POLQ: variants seen among roughly 807,000 people sequenced by gnomAD.
The protein encoded by POLQ is epididymis secretory sperm binding protein.
Under a neutral mutation model 259.2 loss-of-function variants are expected in POLQ, and 233 were observed. The observed-to-expected ratio is 0.90, with a 90% CI of 0.81 to 1.00. The LOEUF (loss-of-function observed/expected upper bound fraction) is 1.00, where lower values mean the gene tolerates loss of function less well. POLQ is among the 50% of genes least tolerant of loss of function. The probability of loss-of-function intolerance (pLI) is 0.00; values close to 1 mark genes in which losing one functional copy is unlikely to be tolerated. For missense variants in POLQ, 2,871 were observed against 3,051.6 expected (o/e 0.94, Z 1.39); for synonymous variants, 1,025 against 1,048.8 (o/e 0.98, Z 0.44).
rs369852464 is a variant in POLQ, at chr3:121,487,555, C to G, written c.5376G>C (p.Gly1792=). 3 of 1,614,008 alleles carry G rather than the reference C, an allele frequency of 1.9e-6. No individual in the cohort carries two copies. In the African/African-American group the frequency reaches 4.0e-5, roughly 22 times the overall value. ...NHDLSPGSRN[G]FKDNSPISDT... Reference sequence around the variant, plus strand: ...CACTAATAGGGCTGTTGTCTTTGAACCCATTTCTACTCCCTGGACTTAAAT... The same window carrying G: ...CACTAATAGGGCTGTTGTCTTTGAAGCCATTTCTACTCCCTGGACTTAAAT... Residue 1792 remains glycine (G), a synonymous_variant, in exon 16 of 30, where the codon GGG becomes GGC. Transcript: ENST00000264233.
chr3:121,545,768 G>A lies in POLQ; in HGVS notation c.110C>T (p.Ser37Phe), dbSNP rs750468950. 3 of 1,606,138 alleles carry A rather than the reference G, an allele frequency of 1.9e-6. No homozygotes were observed. In the South Asian group the frequency reaches 3.3e-5, roughly 18 times the overall value. ...SSASPQFLSG[S>F]VLSPPPGLGR... The stretch of plus-strand genomic sequence containing the variant: ...AAGGCCGGGCGGCGGGCTCAGCACG[G>A]ACCCGGAGAGGAACTGGGGGCTGGC... Residue 37 changes from serine (S) to phenylalanine (F), a missense_variant, in exon 1 of 30, where the codon TCC (serine) becomes TTC (phenylalanine). Ser to Phe is a radical substitution (Grantham distance 155, BLOSUM62 -2). Coordinates refer to ENST00000264233, the MANE Select transcript of POLQ (RefSeq NM_199420.4).
At chr3:121,501,200 T>C (rs531416716) in intron 12 of POLQ, among the ~76,000 whole-genome samples, 45 of 152,178 alleles carry the variant, frequency 3.0e-4, no homozygotes, top group Admixed American at 2.4e-3. Context: ...GCTCAAGCCA[T>C]CTACCTGCCT....
At chr3:121,517,686 C>T (rs2048307833) in intron 9 of POLQ, among the ~76,000 whole-genome samples, 1 of 152,184 alleles carries the variant, frequency 6.6e-6, no homozygotes, top group African/African-American at 2.4e-5. Context: ...CTCATCTTCC[C>T]TTCCTGATGG....
In POLQ at chr3:121,487,690, C is replaced by A. The variant is rs772752234; in HGVS notation, c.5241G>T (p.Leu1747=). The change falls in exon 16 of 30, where the codon CTG becomes CTT. Residue 1747 remains leucine (L), a synonymous_variant. Transcript: ENST00000264233. ...GTGTTTCAAGAATCCCTGGAAATGT[C>A]AGCTTAGAAGCAGATGTTGGAATGG... is the stretch of plus-strand genomic sequence containing the variant. The part of the protein sequence containing the change: ...PTPIPTSASK[L]TFPGILETPV... 10 of 1,613,878 alleles carry A rather than the reference C, an allele frequency of 6.2e-6. No homozygotes were observed. Among genetic ancestry groups the A allele is most frequent in the Non-Finnish European group, 7.6e-6 (9 of 1,179,840 alleles).
chr3:121,464,392 CAAT>C (rs893732851), intron 24 of POLQ, among the ~76,000 whole-genome samples: 17 of 151,330 alleles, frequency 1.1e-4, no homozygotes, highest in African/African-American at 3.2e-4. Flanking sequence ...ACAACAACAA[CAAT>C]AATAATAATA....
rs2048103944 is a variant in POLQ at position 121,494,983 on chromosome 3, G to T, written c.2279-1262C>A. The T allele has an allele frequency of 5.4e-5, 39 of 719,354 alleles. 3 individuals carry two copies. In the South Asian group the frequency reaches 7.7e-4, roughly 14 times the overall value. 44.6% of individuals were successfully genotyped at this position (719,354 alleles called of 1,614,324 possible). A position where few individuals can be genotyped will look rare whatever the true frequency, so the allele number is the denominator to read the frequency against. On this transcript the variant is annotated intron_variant, in intron 14 of 29. Transcript: ENST00000264233. ...ATTTTCAAAAAAAAAAAAAAAGCAT[G>T]TAAAGATGCTGGGCGCAGTGGCTCA...
intron 2 of POLQ, among the ~76,000 whole-genome samples, chr3:121,542,881 G>A (rs1257796241): frequency 2.6e-5 from 4 of 152,096 alleles, no homozygotes; most frequent in Non-Finnish European, 4.4e-5. Context: ...CAGCTACTCC[G>A]GAGGCTGAGG....
rs184829441 is a variant in POLQ at position 121,500,178 on chromosome 3, A to G, written c.1960-1508T>C. Among the ~76,000 whole-genome samples, 37 of 150,100 alleles carry G rather than the reference A, an allele frequency of 2.5e-4. No individual in the cohort carries two copies. The East Asian group carries it at 5.6e-3, about 23-fold the overall frequency. On this transcript the variant is annotated intron_variant, in intron 12 of 29. Transcript: ENST00000264233. ...ATGCCTGTGGTCCCAGCTACTTGGG[A>G]GGCTGAAGTGGGAAGACTGCTTGAG...
chr3:121,509,865 T>C (rs2048238768), intron 11 of POLQ, among the ~76,000 whole-genome samples, 162 bp from the exon 12 acceptor site: 1 of 152,242 alleles, frequency 6.6e-6, no homozygotes, highest in African/African-American at 2.4e-5. Flanking sequence ...TCTATCATAA[T>C]GGTCTGAAGT....
At chr3:121,507,167 TG>T (rs1205761122) in intron 12 of POLQ, among the ~76,000 whole-genome samples, 1 of 152,234 alleles carries the variant, frequency 6.6e-6, no homozygotes, top group Admixed American at 6.5e-5. Context: ...CAGACTTCTC[TG>T]ACTATTCCTG....
chr3:121,530,712 T>C (rs1399360659), intron 6 of POLQ, among the ~76,000 whole-genome samples: 2 of 152,194 alleles, frequency 1.3e-5, no homozygotes, highest in Non-Finnish European at 2.9e-5. Flanking sequence ...ATACTGGAAG[T>C]ATGTCAATGT....
In POLQ at chr3:121,432,917, C is replaced by G. The variant is rs2047508184; in HGVS notation, c.7659+1G>C. The G allele has an allele frequency of 1.3e-6, 2 of 1,535,992 alleles. No individual in the cohort carries two copies. The highest frequency in any genetic ancestry group is 2.2e-5 in the South Asian group (2 of 89,508). The stretch of plus-strand genomic sequence containing the variant: ...AATGGACACAAGCATTGCAAAAATA[C>G]CTGAACAACATCTTCTTCTGCCACT... On this transcript the variant is annotated splice_donor_variant, in intron 29 of 29. Coordinates refer to ENST00000264233, the MANE Select transcript of POLQ (RefSeq NM_199420.4). LOFTEE classifies it high-confidence loss of function.
chr3:121,481,556 GA>G lies in POLQ; in HGVS notation c.6211+15del, dbSNP rs756191958. 6.4e-7 allele frequency: 1 copy of G among 1,568,310 alleles called. No individual in the cohort carries two copies. Among genetic ancestry groups the G allele is most frequent in the Non-Finnish European group, 8.6e-7 (1 of 1,156,874 alleles). On this transcript the variant is annotated intron_variant, in intron 19 of 29. Coordinates refer to ENST00000264233, the MANE Select transcript of POLQ (RefSeq NM_199420.4). Reference sequence around the variant, plus strand: ...TCTAATCTATAACATAAAAATGCCAGAAACTTGGTTTTTACCTTGAAGGTTT... The same window carrying G: ...TCTAATCTATAACATAAAAATGCCAGAACTTGGTTTTTACCTTGAAGGTTT...
At chr3:121,436,743 C>CTTAATAT (rs1315552391) in intron 27 of POLQ, among the ~76,000 whole-genome samples, 1 of 151,752 alleles carries the variant, frequency 6.6e-6, no homozygotes, top group Non-Finnish European at 1.5e-5. Flanking sequence ...GTGAGCCCTG[C>CTTAATAT]AGGTATGGAG....
At position 121,487,777 on chromosome 3, in the gene POLQ, TGA is replaced by T; in HGVS notation, c.5152_5153del (p.Ser1718IlefsTer6). 8.1e-6 allele frequency: 13 copies of T among 1,611,718 alleles called. No homozygotes were observed. Among genetic ancestry groups the T allele is most frequent in the Non-Finnish European group, 1.1e-5 (13 of 1,178,742 alleles). Reference sequence around the variant, plus strand: ...TACTTTCTTTACGAGGTAAGAGGGATGAGGTTTCATCATGATTGGCATTGTTT... The same window carrying T: ...TACTTTCTTTACGAGGTAAGAGGGATGGTTTCATCATGATTGGCATTGTTT... Reference protein sequence around the residue: ...LENNANHDETSSLLPRKESNI... With the variant: ...LENNANHDETXSLLPRKESNI... On this transcript the variant is annotated frameshift_variant, in exon 16 of 30. Coordinates refer to ENST00000264233, the MANE Select transcript of POLQ (RefSeq NM_199420.4). LOFTEE classifies it high-confidence loss of function.
chr3:121,436,188 C>T lies in POLQ; in HGVS notation c.7477G>A (p.Glu2493Lys), dbSNP rs1406261310. ...IATVNIQKQLETFHSTFKSHG... is the reference protein window; with the variant it reads ...IATVNIQKQLKTFHSTFKSHG... Reference sequence around the variant, plus strand: ...GATTTGAAGGTTGAGTGGAAGGTCTCTAATTGCTTCTGAATGTTAACTGTG... The same window carrying T: ...GATTTGAAGGTTGAGTGGAAGGTCTTTAATTGCTTCTGAATGTTAACTGTG... The change falls in exon 28 of 30, where the codon GAG becomes AAG. Residue 2493 changes from glutamate to lysine, a missense_variant. Glu to Lys is a moderately conservative substitution (Grantham distance 56). Coordinates refer to ENST00000264233, the MANE Select transcript of POLQ (RefSeq NM_199420.4). The T allele has an allele frequency of 6.2e-7, 1 of 1,613,704 alleles. No homozygotes were observed. Among genetic ancestry groups the T allele is most frequent in the Non-Finnish European group, 8.5e-7 (1 of 1,179,724 alleles).
chr3:121,496,970 T>A (rs2048130068), intron 13 of POLQ, 38 bp from the exon 14 acceptor site: 2 of 1,607,660 alleles, frequency 1.2e-6, no homozygotes, highest in Non-Finnish European at 1.7e-6. Flanking sequence ...AAGAGATCCT[T>A]CACGTCTACT....
chr3:121,512,121 A>T lies in POLQ; in HGVS notation c.1469-92T>A. ...TTTAAGTTGCCTTACTTTGCTTAAA[A>T]GCAGACAAGAGATGATAGTGGTTGT... On this transcript the variant is annotated intron_variant, in intron 9 of 29. Transcript: ENST00000264233. 3.8e-6 allele frequency: 4 copies of T among 1,064,128 alleles called. No individual in the cohort carries two copies. In the South Asian group the frequency reaches 6.3e-5, roughly 17 times the overall value. The allele number at this position is 1,064,128 out of a possible 1,614,324, so 65.9% of individuals were successfully genotyped here.
At chr3:121,490,793 C>T (rs1278095297) in intron 15 of POLQ, among the ~76,000 whole-genome samples, 1 of 152,228 alleles carries the variant, frequency 6.6e-6, no homozygotes, top group Admixed American at 6.5e-5. Context: ...GTAGCTCACA[C>T]TTGTAAACCC....
Sources: allele counts gnomAD v4.1 joint callset (sites outside exome capture counted in the v4.1 genomes callset), GRCh38; gene constraint gnomAD v4.1.1; transcripts MANE v1.5; gene names NCBI Gene and HGNC (gene_info 2026-07-23, HGNC 2026-07-21).